RIMS2: variants seen among roughly 807,000 people sequenced by gnomAD.
RIMS2 encodes regulating synaptic membrane exocytosis 2.
A neutral mutation model predicts 174.4 loss-of-function variants in RIMS2; 59 were observed. The ratio of observed to expected loss-of-function variants is 0.34; its 90% CI spans 0.27 to 0.42. RIMS2 has a LOEUF of 0.42. RIMS2 is among the 10% of genes least tolerant of loss of function. RIMS2 has a pLI of 1.00. For missense variants in RIMS2, 1,620 were observed against 1,666.3 expected (o/e 0.97, Z 0.48); for synonymous variants, 606 against 572.5 (o/e 1.06, Z -0.84).
intron 1 of RIMS2, among the ~76,000 whole-genome samples, chr8:103,538,014 T>G (rs751003715): frequency 1.5e-4 from 23 of 152,338 alleles, no homozygotes; most frequent in African/African-American, 5.1e-4. Flanking sequence ...ATATGGAATA[T>G]GTTTACTGTA....
intron 1 of RIMS2, among the ~76,000 whole-genome samples, chr8:103,548,430 C>T (rs571804135): frequency 1.3e-5 from 2 of 152,278 alleles, no homozygotes; most frequent in Admixed American, 6.5e-5. Context: ...ACATGATCAT[C>T]TCAATAGATG....
At chr8:103,920,622 C>T (rs2077428194) in intron 9 of RIMS2, 1 of 456,720 alleles carries the variant, frequency 2.2e-6, no homozygotes, top group African/African-American at 2.0e-5. Context: ...TTTACATCTC[C>T]CATTGGATGT....
chr8:103,942,681 T>C, intron 13 of RIMS2, 92 bp from the exon 16 acceptor site: 1 of 899,234 alleles, frequency 1.1e-6, no homozygotes. Flanking sequence ...GCATTACTAT[T>C]ATAATTATTA....
chr8:103,947,578 TAGAA>T (rs1270048191), intron 14 of RIMS2, among the ~76,000 whole-genome samples: 1 of 152,152 alleles, frequency 6.6e-6, no homozygotes, highest in Non-Finnish European at 1.5e-5. Context: ...TATGTAAATA[TAGAA>T]AAGGTACAGT....
At chr8:104,132,702 C>T (rs1205190822) in intron 19 of RIMS2, among the ~76,000 whole-genome samples, 1 of 152,094 alleles carries the variant, frequency 6.6e-6, no homozygotes, top group Non-Finnish European at 1.5e-5. Flanking sequence ...AGAGTAACAG[C>T]TACATGCAGA....
At chr8:103,869,815 G>A (rs535128278) in intron 3 of RIMS2, among the ~76,000 whole-genome samples, 56 of 152,304 alleles carry the variant, frequency 3.7e-4, no homozygotes, top group African/African-American at 1.3e-3. Flanking sequence ...AGTGGGGGCA[G>A]TTTGAGGATC....
At chr8:104,056,429 A>G (rs1415430993) in intron 19 of RIMS2, among the ~76,000 whole-genome samples, 1 of 152,014 alleles carries the variant, frequency 6.6e-6, no homozygotes, top group Non-Finnish European at 1.5e-5. Flanking sequence ...GTTTTGTAGC[A>G]GATGGAATTA....
At chr8:103,876,867 TATATATATATATATATATATATATATA>T (rs2099141208) in intron 3 of RIMS2, among the ~76,000 whole-genome samples, 2 of 28,462 alleles carry the variant, frequency 7.0e-5, no homozygotes, top group South Asian at 1.6e-3. Context: ...CACTATTTTA[TATATATATATATATATATATATATATA>T]TATATATATA....
chr8:104,048,463 A>G (rs1445890444), intron 19 of RIMS2, among the ~76,000 whole-genome samples: 1 of 152,232 alleles, frequency 6.6e-6, no homozygotes, highest in African/African-American at 2.4e-5. Flanking sequence ...GTGTGATAAC[A>G]GAGTAGCAGT....
At chr8:103,922,686 C>CA in intron 10 of RIMS2, 1 of 346,806 alleles carries the variant, frequency 2.9e-6, no homozygotes, top group East Asian at 8.8e-5. Context: ...ATTTTAAGCC[C>CA]AAAAAAGATA....
intron 1 of RIMS2, among the ~76,000 whole-genome samples, chr8:103,539,405 G>A (rs1371932154): frequency 2.6e-5 from 4 of 152,084 alleles, no homozygotes; most frequent in Non-Finnish European, 5.9e-5. Context: ...AACTGAAATA[G>A]GCCTGAGAGG....
At chr8:103,573,937 G>A (rs1945349174) in intron 1 of RIMS2, among the ~76,000 whole-genome samples, 1 of 152,018 alleles carries the variant, frequency 6.6e-6, no homozygotes, top group Non-Finnish European at 1.5e-5. Flanking sequence ...TTGGTTTGAT[G>A]TATTCTTAGG....
intron 14 of RIMS2, among the ~76,000 whole-genome samples, chr8:103,949,250 A>G (rs768638170): frequency 4.6e-5 from 7 of 152,148 alleles, no homozygotes; most frequent in Non-Finnish European, 8.8e-5. Flanking sequence ...AATTACAGTA[A>G]GAGATTTTAG....
At chr8:103,627,656 T>C (rs2095819191) in intron 1 of RIMS2, among the ~76,000 whole-genome samples, 1 of 152,208 alleles carries the variant, frequency 6.6e-6, no homozygotes, top group Non-Finnish European at 1.5e-5. Context: ...AGCCGGTCCC[T>C]CCATTCAGGG....
At chr8:103,761,130 A>C (rs377525258) in intron 2 of RIMS2, among the ~76,000 whole-genome samples, 137 of 152,336 alleles carry the variant, frequency 9.0e-4, no homozygotes, top group African/African-American at 3.2e-3. Flanking sequence ...TTTAGTCTAA[A>C]TACATCCACC....
intron 1 of RIMS2, among the ~76,000 whole-genome samples, chr8:103,670,834 C>A (rs1590041411): frequency 6.6e-6 from 1 of 152,324 alleles, no homozygotes; most frequent in Non-Finnish European, 1.5e-5. Context: ...TTGCTGTCTT[C>A]TTCTGAGCCG....
At chr8:103,500,815 C>A in exon 1 of RIMS2, 1 of 988,778 alleles carries the variant, frequency 1.0e-6, no homozygotes, top group Non-Finnish European at 1.5e-6. Context: ...CTGCCCCAGC[C>A]GCCGCGCCGG....
intron 19 of RIMS2, among the ~76,000 whole-genome samples, chr8:104,119,073 C>T (rs2098330382): frequency 6.6e-6 from 1 of 151,598 alleles, no homozygotes; most frequent in African/African-American, 2.4e-5. Context: ...TTAGGCCAGG[C>T]GTGGTGGCTC....
At chr8:103,709,886 C>G (rs756200843) in intron 2 of RIMS2, among the ~76,000 whole-genome samples, 10 of 152,096 alleles carry the variant, frequency 6.6e-5, no homozygotes, top group Non-Finnish European at 1.2e-4. Flanking sequence ...ATACTCCCCA[C>G]TTATCTTGTA....
Sources: allele counts gnomAD v4.1 joint callset (sites outside exome capture counted in the v4.1 genomes callset), GRCh38; gene constraint gnomAD v4.1.1; transcripts MANE v1.5; gene names NCBI Gene and HGNC (gene_info 2026-07-23, HGNC 2026-07-21).